The following GRM7 variants were observed in gnomAD, a reference collection of about 807,000 sequenced individuals.
GRM7 encodes the protein glutamate metabotropic receptor 7.
Under a neutral mutation model 84.5 loss-of-function variants are expected in GRM7, and 35 were observed. That is an observed-to-expected ratio of 0.41 (90% CI 0.32 to 0.55). The LOEUF is 0.55. GRM7 is among the 20% of genes least tolerant of loss of function. The pLI is 0.19. For missense variants in GRM7, 1,003 were observed against 1,194.6 expected (o/e 0.84, Z 2.36); for synonymous variants, 487 against 455.1 (o/e 1.07, Z -0.89).
Position 6,992,131 on chromosome 3 carries a change from A to G in GRM7, c.519+130224A>G, listed in dbSNP as rs1025687573. On this transcript the variant is annotated intron_variant, in intron 1 of 9. Coordinates refer to ENST00000357716, the MANE Select transcript of GRM7 (RefSeq NM_000844.4). ...TGTAGCCGTAGGCTGAGGGTGCTGT[A>G]ATCTCAAAAGTAGGCTTTTGTCCAG... 5.3e-5 allele frequency among the ~76,000 whole-genome samples: 8 copies of G among 152,342 alleles called. No individual in the cohort carries two copies. In the East Asian group the frequency reaches 1.5e-3, roughly 29 times the overall value.
chr3:7,094,981 C>CTT lies in GRM7; in HGVS notation c.520-51459_520-51458dup, dbSNP rs543764636. Among the ~76,000 whole-genome samples the CTT allele has an allele frequency of 6.8e-3, 976 of 144,012 alleles. 11 individuals carry two copies. The highest frequency in any genetic ancestry group is 0.023 in the African/African-American group (920 of 39,342). 94.5% of individuals were successfully genotyped at this position (144,012 alleles called of 152,430 possible). On this transcript the variant is annotated intron_variant, in intron 1 of 9. Transcript: ENST00000357716. ...GCTACTTGAACTGAGGGCTGATAGA[C>CTT]TTTTTTTTTTTTTAACCTGGGGAGT...
At chr3:7,443,507 T>C (rs1370071926) in intron 5 of GRM7, among the ~76,000 whole-genome samples, 7 of 152,132 alleles carry the variant, frequency 4.6e-5, no homozygotes, top group Admixed American at 3.9e-4. Context: ...GTAATCTAAA[T>C]ATGTTTCCCT....
At chr3:6,947,543 T>C (rs1452877961) in intron 1 of GRM7, among the ~76,000 whole-genome samples, 1 of 152,238 alleles carries the variant, frequency 6.6e-6, no homozygotes, top group Non-Finnish European at 1.5e-5. Context: ...TGCCAGGCTT[T>C]GGCATTAGGA....
At chr3:7,410,636 T>G (rs1457929625) in intron 4 of GRM7, among the ~76,000 whole-genome samples, 1 of 134,384 alleles carries the variant, frequency 7.4e-6, no homozygotes, top group African/African-American at 2.9e-5. Context: ...AATACACACA[T>G]ACACACAAAA....
chr3:7,232,311 C>A (rs1258707425), intron 2 of GRM7, among the ~76,000 whole-genome samples: 1 of 151,802 alleles, frequency 6.6e-6, no homozygotes, highest in Non-Finnish European at 1.5e-5. Context: ...TATAGATTAA[C>A]TTTTGACAAA....
intron 8 of GRM7, among the ~76,000 whole-genome samples, chr3:7,652,146 T>C (rs1698972674): frequency 6.6e-6 from 1 of 152,172 alleles, no homozygotes; most frequent in Non-Finnish European, 1.5e-5. Flanking sequence ...AGTATACAGA[T>C]ATTTTATCCA....
intron 1 of GRM7, among the ~76,000 whole-genome samples, chr3:6,904,538 T>C (rs1293760296): frequency 6.6e-6 from 1 of 152,192 alleles, no homozygotes. Context: ...TCTGTGTCTC[T>C]TTATATAATG....
chr3:7,647,525 C>A (rs556764245), intron 8 of GRM7, among the ~76,000 whole-genome samples: 75 of 152,184 alleles, frequency 4.9e-4, no homozygotes, highest in Non-Finnish European at 8.7e-4. Flanking sequence ...ATTGAGGAGG[C>A]TGGAATTTAA....
At chr3:7,558,500 A>G (rs1453035655) in intron 7 of GRM7, among the ~76,000 whole-genome samples, 1 of 152,158 alleles carries the variant, frequency 6.6e-6, no homozygotes, top group Non-Finnish European at 1.5e-5. Flanking sequence ...CAAGTGTAGC[A>G]AATTTATCCC....
At chr3:7,267,555 G>T (rs890848015) in intron 2 of GRM7, among the ~76,000 whole-genome samples, 2 of 152,206 alleles carry the variant, frequency 1.3e-5, no homozygotes, top group African/African-American at 4.8e-5. Flanking sequence ...CGGGGGTTGG[G>T]TCTAGGTCCT....
At chr3:7,361,629 C>T (rs1485177650) in intron 4 of GRM7, among the ~76,000 whole-genome samples, 1 of 152,056 alleles carries the variant, frequency 6.6e-6, no homozygotes, top group Non-Finnish European at 1.5e-5. Flanking sequence ...TTCAGGAATA[C>T]TATATCATTC....
intron 2 of GRM7, among the ~76,000 whole-genome samples, chr3:7,296,461 A>G (rs9837121): frequency 3.7e-3 from 511 of 138,598 alleles, no homozygotes; most frequent in African/African-American, 0.013. Flanking sequence ...ATCATGTTTT[A>G]TGTATTCATT....
chr3:7,534,095 A>G (rs367671446), intron 7 of GRM7, among the ~76,000 whole-genome samples: 4 of 149,394 alleles, frequency 2.7e-5, no homozygotes, highest in East Asian at 2.0e-4. Context: ...GCTCACTACA[A>G]CCTCTGCCTC....
chr3:6,914,199 A>G (rs1446464331), intron 1 of GRM7, among the ~76,000 whole-genome samples: 1 of 152,186 alleles, frequency 6.6e-6, no homozygotes, highest in Non-Finnish European at 1.5e-5. Context: ...TCAATTAATC[A>G]ATAAACCATT....
chr3:7,127,574 A>G (rs1019257882), intron 1 of GRM7, among the ~76,000 whole-genome samples: 1 of 152,170 alleles, frequency 6.6e-6, no homozygotes. Context: ...ATATATAAAC[A>G]TTTTGGTTTT....
Position 6,861,523 on chromosome 3 carries a change from C to G in GRM7, c.135C>G (p.Ile45Met). The change falls in exon 1 of 10, where the codon ATC becomes ATG. Residue 45 changes from isoleucine to methionine, a missense_variant. Physicochemically the swap from Ile to Met is conservative, Grantham distance 10. Around this residue, in one of 2 missense-constraint regions of GRM7, gnomAD observed 93 missense variants for 68.6 expected, o/e 1.36. Transcript: ENST00000357716. The surrounding 1 kb of genome is among the most constrained non-coding windows in gnomAD (Gnocchi z 6.4). ...TGTACGCCCCGCACTCAATCCGGAT[C>G]GAGGGGGACGTCACCCTCGGGGGGC... The part of the protein sequence containing the change: ...QEMYAPHSIR[I>M]EGDVTLGGLF... 6.3e-7 allele frequency: 1 copy of G among 1,577,162 alleles called. No individual in the cohort carries two copies. The highest frequency in any genetic ancestry group is 8.6e-7 in the Non-Finnish European group (1 of 1,162,674).
At chr3:7,612,501 G>A (rs1285095863) in intron 8 of GRM7, among the ~76,000 whole-genome samples, 6 of 152,140 alleles carry the variant, frequency 3.9e-5, no homozygotes, top group Non-Finnish European at 5.9e-5. Flanking sequence ...GCCCAGCCAT[G>A]TTTAGGCGGA....
chr3:7,086,792 A>C (rs1464518450), intron 1 of GRM7, among the ~76,000 whole-genome samples: 2 of 152,356 alleles, frequency 1.3e-5, no homozygotes, highest in African/African-American at 4.8e-5. Flanking sequence ...GCTTAAGAAA[A>C]AGATAACAGA....
intron 2 of GRM7, among the ~76,000 whole-genome samples, chr3:7,203,855 A>G (rs1696146687): frequency 6.6e-6 from 1 of 152,182 alleles, no homozygotes. Context: ...TTATCGCTAC[A>G]AATTTAGATA....
Sources: gnomAD v4.1 joint callset for allele counts (sites outside exome capture counted in the v4.1 genomes callset) on GRCh38, gnomAD v4.1.1 for gene constraint, gnomAD v4.1.1 regional missense constraint, Gnocchi (gnomAD v3.1) non-coding constraint, MANE v1.5 for transcripts, NCBI Gene and HGNC (gene_info 2026-07-23, HGNC 2026-07-21) for gene names.